CRB1: variants seen among roughly 807,000 people sequenced by gnomAD.
CRB1 encodes the protein crumbs cell polarity complex component 1, also known as protein crumbs homolog 1.
Under a neutral mutation model 120.0 loss-of-function variants are expected in CRB1, and 83 were observed. The ratio of observed to expected loss-of-function variants is 0.69; its 90% confidence interval spans 0.58 to 0.83. CRB1 has a LOEUF of 0.83. Ranked by LOEUF, CRB1 falls within the 40% of genes least tolerant of loss-of-function variation. CRB1 has a pLI of 0.00. For synonymous variants in CRB1, 625 were observed against 612.5 expected (o/e 1.02, Z -0.30); for missense variants, 1,699 against 1,687.6 (o/e 1.01, Z -0.12).
chr1:197,348,611 GTAC>G (rs1004243986), intron 4 of CRB1, among the ~76,000 whole-genome samples: 1 of 152,066 alleles, frequency 6.6e-6, no homozygotes, highest in Non-Finnish European at 1.5e-5. Context: ...CGAGTAGCTG[GTAC>G]TACAGGTGCC....
At chr1:197,461,036 T>G (rs1484574592) in intron 11 of CRB1, among the ~76,000 whole-genome samples, 4 of 152,192 alleles carry the variant, frequency 2.6e-5, no homozygotes, top group African/African-American at 7.2e-5. Context: ...ACACTAAAGA[T>G]AATCACAGCT....
intron 5 of CRB1, among the ~76,000 whole-genome samples, chr1:197,389,620 G>A (rs1662392265): frequency 6.6e-6 from 1 of 152,054 alleles, no homozygotes; most frequent in Non-Finnish European, 1.5e-5. Context: ...GGTGGTGACG[G>A]TTACACAGCA....
chr1:197,206,102 T>C, the CRB1 span, among the ~76,000 whole-genome samples: 1 of 152,082 alleles, frequency 6.6e-6, no homozygotes, highest in African/African-American at 2.4e-5. Context: ...AGCTGTAATA[T>C]CTCCCATTTC....
At chr1:197,226,135 C>G in the CRB1 span, among the ~76,000 whole-genome samples, 2 of 152,108 alleles carry the variant, frequency 1.3e-5, no homozygotes, top group African/African-American at 4.8e-5. Flanking sequence ...TTTTGGACTC[C>G]TGAACTCAAG....
the CRB1 span, among the ~76,000 whole-genome samples, chr1:197,241,313 C>G: frequency 1.3e-5 from 2 of 152,112 alleles, no homozygotes; most frequent in Admixed American, 1.3e-4. Flanking sequence ...AGGTTTTACT[C>G]TAGGGTTTTT....
chr1:197,405,472 G>A lies in CRB1; in HGVS notation c.1172-15528G>A, dbSNP rs568363324. 2.6e-5 allele frequency among the ~76,000 whole-genome samples: 4 copies of A among 152,232 alleles called. No individual in the cohort carries two copies. The East Asian group carries it at 5.8e-4, about 22-fold the overall frequency. On this transcript the variant is annotated intron_variant, in intron 5 of 11. Coordinates refer to ENST00000367400, the MANE Select transcript of CRB1 (RefSeq NM_201253.3). ...CTGCCTTGGCCTCCCAAAGTGCCGAGAGTGCAGCCTCTGCCCGGCCGCCAC... is the reference window on the plus strand; with the variant it reads ...CTGCCTTGGCCTCCCAAAGTGCCGAAAGTGCAGCCTCTGCCCGGCCGCCAC...
chr1:197,354,646 C>T (rs1370703547), intron 4 of CRB1, among the ~76,000 whole-genome samples: 1 of 151,776 alleles, frequency 6.6e-6, no homozygotes, highest in African/African-American at 2.4e-5. Flanking sequence ...AGCTGCAGAC[C>T]TTCATGGTGA....
In CRB1 at chr1:197,344,417, T is replaced by C. The variant is rs758964523; in HGVS notation, c.789T>C (p.Thr263=). 1.2e-6 allele frequency: 2 copies of C among 1,614,112 alleles called. No individual in the cohort carries two copies. The highest frequency in any genetic ancestry group is 4.5e-5 in the East Asian group (2 of 44,858). The part of the protein sequence containing the change: ...GFLGDHCELN[T]DECASQPCLH... Reference sequence around the variant, plus strand: ...TGGGGGATCACTGTGAACTCAACACTGATGAGTGTGCCAGTCAACCTTGTC... The same window carrying C: ...TGGGGGATCACTGTGAACTCAACACCGATGAGTGTGCCAGTCAACCTTGTC... The change falls in exon 3 of 12, where the codon ACT becomes ACC. Residue 263 remains threonine (T), a synonymous_variant. Transcript: ENST00000367400.
rs552131308 is a variant in CRB1 at position 197,350,077 on chromosome 1, G to C, written c.988+2598G>C. ...ATTGCGCCACTGCAGTCCGCAGTCC[G>C]GCCTGGGCGACAGAGCGAGACTCCG... On this transcript the variant is annotated intron_variant, in intron 4 of 11. Coordinates refer to ENST00000367400, the MANE Select transcript of CRB1 (RefSeq NM_201253.3). Among the ~76,000 whole-genome samples, 9 of 150,384 alleles carry C rather than the reference G, an allele frequency of 6.0e-5. No homozygotes were observed. In the East Asian group the frequency reaches 1.6e-3, roughly 26 times the overall value.
intron 8 of CRB1, among the ~76,000 whole-genome samples, chr1:197,432,145 G>C (rs538797984): frequency 6.6e-6 from 1 of 152,026 alleles, no homozygotes; most frequent in Non-Finnish European, 1.5e-5. Context: ...AAAGTGATTA[G>C]GTATATCGTG....
At chr1:197,354,694 T>G (rs2125348696) in intron 4 of CRB1, among the ~76,000 whole-genome samples, 1 of 151,886 alleles carries the variant, frequency 6.6e-6, no homozygotes, top group East Asian at 1.9e-4. Flanking sequence ...ACCCAAACAG[T>G]GGGCAACAGC....
At chr1:197,330,465 G>A (rs1171171015) in intron 2 of CRB1, among the ~76,000 whole-genome samples, 1 of 152,076 alleles carries the variant, frequency 6.6e-6, no homozygotes, top group Non-Finnish European at 1.5e-5. Flanking sequence ...CACAATTTGG[G>A]CCCATGACAG....
At chr1:197,242,297 G>T in the CRB1 span, among the ~76,000 whole-genome samples, 1 of 152,140 alleles carries the variant, frequency 6.6e-6, no homozygotes, top group Non-Finnish European at 1.5e-5. Flanking sequence ...CATTCAGTAT[G>T]ATATTGGCTG....
rs749112809 is a variant in CRB1 at position 197,328,551 on chromosome 1, G to A, written c.200G>A (p.Cys67Tyr). The part of the protein sequence containing the change: ...SDTANNLDKD[C>Y]DNMKDPCFSN... ...ACAGCCAATAATTTGGACAAAGACT[G>A]TGACAACATGAAAGACCCTTGCTTC... Residue 67 changes from cysteine to tyrosine, a missense_variant, in exon 2 of 12, where the codon TGT (cysteine) becomes TAT (tyrosine). Cys to Tyr is a radical substitution (Grantham distance 194). Transcript: ENST00000367400. 11 of 1,614,078 alleles carry A rather than the reference G, an allele frequency of 6.8e-6. No individual in the cohort carries two copies. Among genetic ancestry groups the A allele is most frequent in the Non-Finnish European group, 9.3e-6 (11 of 1,180,030 alleles).
At chr1:197,220,869 T>C in the CRB1 span, among the ~76,000 whole-genome samples, 2 of 152,146 alleles carry the variant, frequency 1.3e-5, no homozygotes, top group African/African-American at 4.8e-5. Context: ...TACAATGTGA[T>C]TGTAAGTTTC....
At chr1:197,321,115 T>C (rs1401348719) in intron 1 of CRB1, among the ~76,000 whole-genome samples, 1 of 152,186 alleles carries the variant, frequency 6.6e-6, no homozygotes, top group Non-Finnish European at 1.5e-5. Flanking sequence ...GGGGTGGAGT[T>C]TGCCAAATGG....
At chr1:197,233,485 C>T in the CRB1 span, among the ~76,000 whole-genome samples, 1 of 152,236 alleles carries the variant, frequency 6.6e-6, no homozygotes, top group Admixed American at 6.5e-5. Flanking sequence ...CTCTCCTCTA[C>T]TGTGAACTCC....
chr1:197,425,894 A>T (rs1664557498), intron 6 of CRB1, among the ~76,000 whole-genome samples: 1 of 151,898 alleles, frequency 6.6e-6, no homozygotes, highest in Admixed American at 6.6e-5. Flanking sequence ...TGCCCCCTCC[A>T]AATCTCATGT....
chr1:197,317,309 T>C (rs1333229726), intron 1 of CRB1, among the ~76,000 whole-genome samples: 3 of 152,036 alleles, frequency 2.0e-5, no homozygotes, highest in Non-Finnish European at 4.4e-5. Context: ...TCCCAGCTAC[T>C]GGGGAGGCTG....
Sources: gnomAD v4.1 joint callset for allele counts (sites outside exome capture counted in the v4.1 genomes callset) on GRCh38, gnomAD v4.1.1 for gene constraint, MANE v1.5 for transcripts, NCBI Gene and HGNC (gene_info 2026-07-23, HGNC 2026-07-21) for gene names.